Variants in ATRX observed in about 807,000 individuals in gnomAD.
The protein encoded by ATRX is ATRX chromatin remodeler, also known as chromatin remodeler ATRX.
Under a neutral mutation model 172.6 loss-of-function variants are expected in ATRX, and 12 were observed. The ratio of observed to expected loss-of-function variants is 0.07; its 90% CI spans 0.04 to 0.11. The LOEUF is 0.11. ATRX is among the 10% of genes least tolerant of loss of function. The pLI is 1.00. For synonymous variants in ATRX, 674 were observed against 594.7 expected, an observed-to-expected ratio of 1.13 and a Z score of -1.94; for missense variants, 1,368 against 1,767.4, an observed-to-expected ratio of 0.77 and a Z score of 4.05.
intron 19 of ATRX, among the ~76,000 whole-genome samples, chrX:77,632,188 A>T (rs1173104810): frequency 9.1e-6 from 1 of 110,077 alleles, no homozygotes; most frequent in Admixed American, 9.8e-5. Context: ...AATGTCACTA[A>T]ATGATAAAAT....
chrX:77,519,665 G>A (rs1396647722), intron 34 of ATRX, among the ~76,000 whole-genome samples: 1 of 111,894 alleles, frequency 8.9e-6, no homozygotes, highest in Non-Finnish European at 1.9e-5. Flanking sequence ...ACTAATATTG[G>A]TGAGGATGTG....
At chrX:77,749,328 TACACACAAACAC>T (rs1368097811) in intron 1 of ATRX, among the ~76,000 whole-genome samples, 1 of 111,347 alleles carries the variant, frequency 9.0e-6, no homozygotes, top group Non-Finnish European at 1.9e-5. Context: ...TGTGTATGTA[TACACACAAACAC>T]ACACACACAC....
intron 7 of ATRX, among the ~76,000 whole-genome samples, chrX:77,685,663 G>A (rs928967787): frequency 2.7e-5 from 3 of 111,360 alleles, no homozygotes; most frequent in South Asian, 7.6e-4. Context: ...TTGAGATACC[G>A]TATGATCCAG....
intron 6 of ATRX, chrX:77,691,012 T>G (rs2071853539): frequency 8.9e-6 from 1 of 112,363 alleles, no homozygotes; most frequent in Non-Finnish European, 1.9e-5. Context: ...CATAATTCTA[T>G]AGAGCAGTGA....
At chrX:77,724,809 G>C (rs1177260591) in intron 1 of ATRX, among the ~76,000 whole-genome samples, 1 of 111,443 alleles carries the variant, frequency 9.0e-6, no homozygotes, top group African/African-American at 3.3e-5. Context: ...GTGTCTATAA[G>C]TTCTGACATT....
At chrX:77,651,586 G>C (rs1277567330) in intron 15 of ATRX, among the ~76,000 whole-genome samples, 2 of 111,923 alleles carry the variant, frequency 1.8e-5, no homozygotes, top group Admixed American at 9.5e-5. Flanking sequence ...GGCTGGGCAA[G>C]GTGGCTCACA....
chrX:77,522,061 G>T, intron 32 of ATRX: 1 of 445,373 alleles, frequency 2.2e-6, no homozygotes, highest in Non-Finnish European at 3.9e-6. Flanking sequence ...TTCACCGACT[G>T]ATTCCTTTGT....
intron 1 of ATRX, among the ~76,000 whole-genome samples, chrX:77,740,202 G>C (rs1275563814): frequency 9.1e-6 from 1 of 109,298 alleles, no homozygotes; most frequent in East Asian, 2.8e-4. Context: ...ATTTATCTTA[G>C]ATCAATCCAA....
At chrX:77,700,688 A>G (rs962229613) in intron 2 of ATRX, among the ~76,000 whole-genome samples, 1 of 112,672 alleles carries the variant, frequency 8.9e-6, no homozygotes, top group Non-Finnish European at 1.9e-5. Context: ...CATCCAGACA[A>G]TGGAATATTA....
At chrX:77,773,852 C>T (rs1557200633) in intron 1 of ATRX, among the ~76,000 whole-genome samples, 2 of 111,806 alleles carry the variant, frequency 1.8e-5, no homozygotes, top group Admixed American at 1.9e-4. Context: ...AACATCACTT[C>T]ATAGTGTTCC....
intron 22 of ATRX, among the ~76,000 whole-genome samples, chrX:77,604,783 C>T (rs187171754): frequency 5.3e-5 from 6 of 112,271 alleles, no homozygotes; most frequent in Admixed American, 2.8e-4. Flanking sequence ...ACAAAGAACA[C>T]GTGGTATATA....
At chrX:77,645,984 G>T (rs1557113447) in intron 15 of ATRX, among the ~76,000 whole-genome samples, 1 of 111,445 alleles carries the variant, frequency 9.0e-6, no homozygotes, top group East Asian at 2.8e-4. Flanking sequence ...AGTGAGATGG[G>T]AATCAAAATA....
intron 2 of ATRX, among the ~76,000 whole-genome samples, chrX:77,713,994 GA>G (rs1453286726): frequency 3.6e-5 from 4 of 111,544 alleles, no homozygotes; most frequent in Non-Finnish European, 5.6e-5. Context: ...CTTAAAAACA[GA>G]AAAATGTCTC....
At chrX:77,571,737 G>A (rs1352674261) in intron 28 of ATRX, among the ~76,000 whole-genome samples, 5 of 111,254 alleles carry the variant, frequency 4.5e-5, no homozygotes, top group African/African-American at 1.6e-4. Context: ...TAACCATTGG[G>A]GAAAATTAGG....
At chrX:77,721,380 T>A (rs1357052601) in intron 1 of ATRX, among the ~76,000 whole-genome samples, 1 of 111,429 alleles carries the variant, frequency 9.0e-6, no homozygotes, top group African/African-American at 3.3e-5. Context: ...AAAGAGGAAG[T>A]CAAATTCTCT....
chrX:77,551,257 C>A (rs1231834256), intron 30 of ATRX, among the ~76,000 whole-genome samples: 1 of 111,555 alleles, frequency 9.0e-6, no homozygotes, highest in Admixed American at 9.5e-5. Context: ...GGTACTGGTA[C>A]CAAAACAGAG....
intron 22 of ATRX, among the ~76,000 whole-genome samples, chrX:77,613,277 T>C (rs1191224884): frequency 9.0e-6 from 1 of 110,813 alleles, no homozygotes; most frequent in African/African-American, 3.3e-5. Context: ...TTTTTTATAA[T>C]GGCCACCACA....
chrX:77,771,356 A>G (rs2076146530), intron 1 of ATRX, among the ~76,000 whole-genome samples: 1 of 106,092 alleles, frequency 9.4e-6, no homozygotes, highest in Non-Finnish European at 1.9e-5. Flanking sequence ...CCTGGGTGAC[A>G]GGGCAAGACT....
At chrX:77,773,934 G>A (rs1320639198) in intron 1 of ATRX, among the ~76,000 whole-genome samples, 2 of 111,045 alleles carry the variant, frequency 1.8e-5, no homozygotes, top group East Asian at 2.8e-4. Context: ...TTTAAAAATG[G>A]AGAAGAGGCC....
Sources: gnomAD v4.1 joint callset for allele counts (sites outside exome capture counted in the v4.1 genomes callset) on GRCh38, gnomAD v4.1.1 for gene constraint, MANE v1.5 for transcripts, NCBI Gene and HGNC (gene_info 2026-07-23, HGNC 2026-07-21) for gene names.